Variants in GPR19 observed in about 807,000 individuals in gnomAD.
GPR19 encodes the protein G protein-coupled receptor 19.
In GPR19, 14 loss-of-function variants were observed where a neutral mutation model predicts 28.5. That is an observed-to-expected ratio of 0.49 (90% confidence interval 0.32 to 0.77). GPR19 has a LOEUF of 0.77. GPR19 is among the 30% of genes least tolerant of loss of function. The pLI is 0.03. For synonymous variants in GPR19, 173 were observed against 184.1 expected (o/e 0.94, Z 0.49); for missense variants, 409 against 504.1 (o/e 0.81, Z 1.81).
chr12:12,706,147 C>T, the GPR19 span, among the ~76,000 whole-genome samples: 1 of 152,224 alleles, frequency 6.6e-6, no homozygotes, highest in African/African-American at 2.4e-5. Flanking sequence ...CAGGCTTTCA[C>T]ATCTTTACCA....
At chr12:12,681,163 T>A (rs1418490363) in intron 3 of GPR19, among the ~76,000 whole-genome samples, 1 of 152,174 alleles carries the variant, frequency 6.6e-6, no homozygotes, top group African/African-American at 2.4e-5. Flanking sequence ...TTGCCTTGGC[T>A]GATGGAGAAG....
chr12:12,669,584 G>C (rs1945829486), intron 3 of GPR19, among the ~76,000 whole-genome samples: 1 of 152,202 alleles, frequency 6.6e-6, no homozygotes. Flanking sequence ...TGAGCCAACT[G>C]TATATACATT....
In GPR19 at chr12:12,661,177, C is replaced by T. The variant is rs1442690619; in HGVS notation, c.*24G>A. The T allele has an allele frequency of 2.0e-6, 3 of 1,526,036 alleles. No individual in the cohort carries two copies. Among genetic ancestry groups the T allele is most frequent in the African/African-American group, 2.8e-5 (2 of 72,040 alleles). 94.5% of individuals were successfully genotyped at this position (1,526,036 alleles called of 1,614,324 possible). A position where few individuals can be genotyped will look rare whatever the true frequency, so the allele number is the denominator to read the frequency against. Reference sequence around the variant, plus strand: ...AGTTAAAGCTTTTTAATCTCTGGTGCATAACAATTGAAAGAATGAGAACTT... The same window carrying T: ...AGTTAAAGCTTTTTAATCTCTGGTGTATAACAATTGAAAGAATGAGAACTT... On this transcript the variant is annotated 3_prime_UTR_variant, in exon 4 of 4. Transcript: ENST00000651487. This position sits in a 1 kb window ranked among gnomAD's most constrained non-coding sequence, Gnocchi z 4.2.
chr12:12,674,269 T>G (rs1314443827), intron 3 of GPR19, among the ~76,000 whole-genome samples: 32 of 89,026 alleles, frequency 3.6e-4, no homozygotes, highest in African/African-American at 1.2e-3. Flanking sequence ...AGACCCTATC[T>G]CTACCAAAAA....
the GPR19 span, among the ~76,000 whole-genome samples, chr12:12,707,670 A>G: frequency 2.6e-5 from 4 of 152,218 alleles, no homozygotes; most frequent in African/African-American, 9.6e-5. Context: ...ATGTAGTTGA[A>G]TGTGGTGGAT....
upstream of GPR19, among the ~76,000 whole-genome samples, chr12:12,697,399 CTT>C (rs2136341049): frequency 6.6e-6 from 1 of 152,056 alleles, no homozygotes; most frequent in East Asian, 1.9e-4. Flanking sequence ...GGCAAAGTGA[CTT>C]TTTAAAAAGT....
At chr12:12,664,167 T>A (rs977948199) in intron 3 of GPR19, among the ~76,000 whole-genome samples, 2 of 152,136 alleles carry the variant, frequency 1.3e-5, no homozygotes, top group African/African-American at 2.4e-5. Context: ...TTTTTGTATT[T>A]TTAGTAGAGA....
chr12:12,690,409 T>C (rs1946165313), intron 2 of GPR19, among the ~76,000 whole-genome samples: 1 of 152,190 alleles, frequency 6.6e-6, no homozygotes. Context: ...GATGGATTTA[T>C]TATGACTCAG....
chr12:12,683,099 C>T (rs1946045711), intron 3 of GPR19, among the ~76,000 whole-genome samples: 2 of 152,076 alleles, frequency 1.3e-5, no homozygotes, highest in East Asian at 1.9e-4. Flanking sequence ...AGTGTTTCTA[C>T]GTTCGATTTT....
the GPR19 span, among the ~76,000 whole-genome samples, chr12:12,711,076 G>A: frequency 6.6e-6 from 1 of 151,976 alleles, no homozygotes; most frequent in African/African-American, 2.4e-5. Flanking sequence ...GGCTGAGGCA[G>A]GCAGATCAGG....
At chr12:12,665,074 C>T (rs977958995) in intron 3 of GPR19, among the ~76,000 whole-genome samples, 1 of 151,886 alleles carries the variant, frequency 6.6e-6, no homozygotes, top group Non-Finnish European at 1.5e-5. Context: ...TTTAAAAAAC[C>T]TGTTAAGATT....
intron 3 of GPR19, among the ~76,000 whole-genome samples, chr12:12,666,611 T>A (rs533729976): frequency 6.6e-6 from 1 of 152,342 alleles, no homozygotes; most frequent in East Asian, 1.9e-4. Flanking sequence ...TCCAATAAAC[T>A]GTGGACTCCA....
At chr12:12,688,205 A>T (rs1946122470) in intron 2 of GPR19, among the ~76,000 whole-genome samples, 1 of 152,200 alleles carries the variant, frequency 6.6e-6, no homozygotes, top group South Asian at 2.1e-4. Context: ...TAACCAAGTG[A>T]CCAAATTTAG....
chr12:12,667,131 T>G (rs1311468510), intron 3 of GPR19, among the ~76,000 whole-genome samples: 1 of 152,218 alleles, frequency 6.6e-6, no homozygotes, highest in Non-Finnish European at 1.5e-5. Flanking sequence ...TTAGTAATTC[T>G]GTTCAGAGCC....
At chr12:12,676,179 G>T (rs1945928442) in intron 3 of GPR19, among the ~76,000 whole-genome samples, 1 of 152,048 alleles carries the variant, frequency 6.6e-6, no homozygotes, top group African/African-American at 2.4e-5. Context: ...AAGAAACCTG[G>T]GTTCTAATTC....
chr12:12,699,366 A>G (rs1196014820), upstream of GPR19, among the ~76,000 whole-genome samples: 1 of 152,154 alleles, frequency 6.6e-6, no homozygotes, highest in Admixed American at 6.5e-5. Context: ...GAAAACATAC[A>G]TATTAGGGCC....
intron 2 of GPR19, among the ~76,000 whole-genome samples, chr12:12,685,226 T>C (rs1007066785): frequency 6.6e-6 from 1 of 150,394 alleles, no homozygotes; most frequent in African/African-American, 2.4e-5. Context: ...TACCTCCCTG[T>C]CCCCATCCCA....
the GPR19 span, among the ~76,000 whole-genome samples, chr12:12,712,098 C>G: frequency 6.6e-6 from 1 of 152,230 alleles, no homozygotes; most frequent in African/African-American, 2.4e-5. Context: ...ACAGTCAAGG[C>G]TGGAAGCACC....
intron 3 of GPR19, among the ~76,000 whole-genome samples, chr12:12,664,992 T>C (rs115941819): frequency 0.036 from 5,445 of 150,440 alleles, 174 homozygotes; most frequent in Middle Eastern, 0.095. Context: ...CTAGAAAATC[T>C]GGACTGCACC....
Sources: gnomAD v4.1 joint callset for allele counts (sites outside exome capture counted in the v4.1 genomes callset) on GRCh38, gnomAD v4.1.1 for gene constraint, Gnocchi (gnomAD v3.1) non-coding constraint, MANE v1.5 for transcripts, NCBI Gene and HGNC (gene_info 2026-07-23, HGNC 2026-07-21) for gene names.